RAB10: variants seen among roughly 807,000 people sequenced by gnomAD.
RAB10 encodes the protein RAB10, member RAS oncogene family.
Under a neutral mutation model 25.7 loss-of-function variants are expected in RAB10, and 5 were observed. The observed-to-expected ratio is 0.19, with a 90% confidence interval of 0.10 to 0.41. The LOEUF is 0.41. Ranked by LOEUF, RAB10 falls within the 10% of genes least tolerant of loss-of-function variation. RAB10 has a pLI of 1.00. For synonymous variants in RAB10, 89 were observed against 86.4 expected, an observed-to-expected ratio of 1.03 and a Z score of -0.16; for missense variants, 103 against 245.8, an observed-to-expected ratio of 0.42 and a Z score of 3.89.
chr2:26,050,731 C>T (rs1666112239), intron 1 of RAB10, among the ~76,000 whole-genome samples: 1 of 151,180 alleles, frequency 6.6e-6, no homozygotes, highest in South Asian at 2.1e-4. Flanking sequence ...CCAAGCAATC[C>T]TCCCACTTCA....
chr2:26,093,797 A>G (rs1667156114), intron 1 of RAB10, among the ~76,000 whole-genome samples: 1 of 152,244 alleles, frequency 6.6e-6, no homozygotes, highest in Non-Finnish European at 1.5e-5. Flanking sequence ...TCAACTTGTC[A>G]TTTTCAAAAA....
intron 1 of RAB10, among the ~76,000 whole-genome samples, chr2:26,049,186 CTTTTT>C (rs1314869793): frequency 8.0e-6 from 1 of 125,470 alleles, no homozygotes; most frequent in Non-Finnish European, 1.7e-5. Flanking sequence ...TGGAGGTCGA[CTTTTT>C]TTTTTTTTTT....
rs147233049 is a variant in RAB10 at position 26,136,524 on chromosome 2, C to T, written c.*1503C>T. ...TATCTCTAACCCTGTCCTTTTTTCA[C>T]TGCATTTTTTCTAGTTTTGCTTCAT... On this transcript the variant is annotated 3_prime_UTR_variant, in exon 6 of 6. Transcript: ENST00000264710. 0.011 allele frequency: 1,726 copies of T among 152,684 alleles called. 17 individuals are homozygous for T. The highest frequency in any genetic ancestry group is 0.02 in the Middle Eastern group (6 of 294). The allele number at this position is 152,684 out of a possible 1,614,324, so 9.5% of individuals were successfully genotyped here. A position where few individuals can be genotyped will look rare whatever the true frequency, so the allele number is the denominator to read the frequency against.
At chr2:26,042,841 T>C (rs1221655716) in intron 1 of RAB10, 1 of 151,164 alleles carries the variant, frequency 6.6e-6, no homozygotes, top group African/African-American at 2.4e-5. Context: ...AGATGCCCAA[T>C]AAACATATGG....
chr2:26,053,511 A>G lies in RAB10; in HGVS notation c.127+18776A>G, dbSNP rs115904852. 6.1e-3 allele frequency among the ~76,000 whole-genome samples: 930 copies of G among 152,316 alleles called. 11 individuals are homozygous for G. Among genetic ancestry groups the G allele is most frequent in the African/African-American group, 0.021 (889 of 41,570 alleles). On this transcript the variant is annotated intron_variant, in intron 1 of 5. Transcript: ENST00000264710. ...AAGTGATTCGGCAAATTCATAATCTATTAGAGGATTTCAGTGGGTCCTATA... is the reference window on the plus strand; with the variant it reads ...AAGTGATTCGGCAAATTCATAATCTGTTAGAGGATTTCAGTGGGTCCTATA...
At chr2:26,098,109 C>CTTTTTTTTTTTTTTTTTTTTTTTTTT (rs57174956) in intron 1 of RAB10, among the ~76,000 whole-genome samples, 30 of 52,726 alleles carry the variant, frequency 5.7e-4, no homozygotes, top group African/African-American at 6.2e-4. Flanking sequence ...TTCTTTCTTT[C>CTTTTTTTTTTTTTTTTTTTTTTTTTT]TTTTTTTTTT....
chr2:26,109,699 G>C (rs760888134), intron 2 of RAB10, 69 bp from the exon 3 acceptor site: 505 of 1,407,832 alleles, frequency 3.6e-4, no homozygotes, highest in Non-Finnish European at 4.2e-4. Flanking sequence ...AACTATTCTT[G>C]TTTTGTCCTT....
In RAB10 at chr2:26,090,694, G is replaced by T. The variant is rs148457072; in HGVS notation, c.128-7968G>T. 3.1e-3 allele frequency among the ~76,000 whole-genome samples: 476 copies of T among 151,922 alleles called. 2 individuals carry two copies. The highest frequency in any genetic ancestry group is 8.0e-3 in the Admixed American group (122 of 15,254). On this transcript the variant is annotated intron_variant, in intron 1 of 5. Coordinates refer to ENST00000264710, the MANE Select transcript of RAB10 (RefSeq NM_016131.5). ...CATGTTTGTAATCCCAGCACTTTGGGAGACCAAGGAGGGCGGATCACATAA... is the reference window on the plus strand; with the variant it reads ...CATGTTTGTAATCCCAGCACTTTGGTAGACCAAGGAGGGCGGATCACATAA...
At chr2:26,062,181 A>AAGT (rs1414161765) in intron 1 of RAB10, among the ~76,000 whole-genome samples, 1 of 152,232 alleles carries the variant, frequency 6.6e-6, no homozygotes, top group African/African-American at 2.4e-5. Flanking sequence ...AAATTTTAAA[A>AAGT]AGTAGTGCCT....
chr2:26,096,664 A>G (rs970192364), intron 1 of RAB10, among the ~76,000 whole-genome samples: 1 of 151,988 alleles, frequency 6.6e-6, no homozygotes, highest in African/African-American at 2.4e-5. Context: ...TTGGTATTTG[A>G]CCCCTTCTGA....
chr2:26,103,897 G>A (rs1238059501), intron 2 of RAB10, among the ~76,000 whole-genome samples: 2 of 151,886 alleles, frequency 1.3e-5, no homozygotes, highest in African/African-American at 2.4e-5. Context: ...TGTCTGTGTT[G>A]TACATGAATC....
intron 1 of RAB10, among the ~76,000 whole-genome samples, chr2:26,090,939 CCA>C (rs1491118731): frequency 2.8e-4 from 18 of 63,438 alleles, no homozygotes; most frequent in African/African-American, 6.8e-4. Flanking sequence ...GTCTCCCCCC[CCA>C]AAAAAAAAAA....
At chr2:26,110,173 C>CTAAAAATTATAAAAATCACAATTTTA (rs1264715265) in intron 3 of RAB10, among the ~76,000 whole-genome samples, 1 of 151,966 alleles carries the variant, frequency 6.6e-6, no homozygotes, top group East Asian at 1.9e-4. Context: ...CCCATCACTA[C>CTAAAAATTATAAAAATCACAATTTTA]TAAAAATTAT....
chr2:26,106,265 AGGCT>A (rs1440671997), intron 2 of RAB10, among the ~76,000 whole-genome samples: 1 of 152,234 alleles, frequency 6.6e-6, no homozygotes, highest in Non-Finnish European at 1.5e-5. Context: ...TTATATGGGA[AGGCT>A]AGGGTAGCTA....
chr2:26,118,695 A>G (rs1236456744), intron 3 of RAB10, among the ~76,000 whole-genome samples: 1 of 152,170 alleles, frequency 6.6e-6, no homozygotes, highest in Non-Finnish European at 1.5e-5. Context: ...CAGCTTGGGT[A>G]CAAGAAGAAT....
At chr2:26,102,442 T>TC (rs1170429662) in intron 2 of RAB10, among the ~76,000 whole-genome samples, 3 of 146,734 alleles carry the variant, frequency 2.0e-5, no homozygotes, top group African/African-American at 7.5e-5. Context: ...TTTCTTTCTT[T>TC]TTTTTTTTTT....
chr2:26,034,260 C>T lies in RAB10; in HGVS notation c.-349C>T. On this transcript the variant is annotated 5_prime_UTR_variant, in exon 1 of 6. Coordinates refer to ENST00000264710, the MANE Select transcript of RAB10 (RefSeq NM_016131.5). ...CTCGGGAGAGAGACTGTCCTCACGC[C>T]CGCTGCGCCTCCTCGACGGCAGAGC... 2.0e-6 allele frequency: 1 copy of T among 503,716 alleles called. No homozygotes were observed. Among genetic ancestry groups the T allele is most frequent in the Non-Finnish European group, 3.5e-6 (1 of 283,216 alleles). The allele number at this position is 503,716 out of a possible 1,614,324, so 31.2% of individuals were successfully genotyped here.
chr2:26,038,110 TTC>T (rs774712042), intron 1 of RAB10, among the ~76,000 whole-genome samples: 21 of 152,196 alleles, frequency 1.4e-4, no homozygotes, highest in South Asian at 4.1e-4. Context: ...GGTCTCGAAC[TTC>T]TGACCTCAGG....
chr2:26,117,379 C>T (rs533209173), intron 3 of RAB10, among the ~76,000 whole-genome samples: 3 of 151,952 alleles, frequency 2.0e-5, no homozygotes, highest in South Asian at 2.1e-4. Flanking sequence ...TTTGGGAGGC[C>T]GAGGCTGGCG....
Sources: allele counts gnomAD v4.1 joint callset (sites outside exome capture counted in the v4.1 genomes callset), GRCh38; gene constraint gnomAD v4.1.1; transcripts MANE v1.5; gene names NCBI Gene and HGNC (gene_info 2026-07-23, HGNC 2026-07-21).